The following BCL2 variants were observed in gnomAD, a reference collection of about 807,000 sequenced individuals.
BCL2 encodes apoptosis regulator Bcl-2.
A neutral mutation model predicts 14.2 loss-of-function variants in BCL2; 1 was observed. The ratio of observed to expected loss-of-function variants is 0.07; its 90% CI spans 0.02 to 0.33. The LOEUF (loss-of-function observed/expected upper bound fraction) is 0.33. BCL2 is among the 10% of genes least tolerant of loss of function. The pLI is 0.99. For synonymous variants in BCL2, 151 were observed against 137.2 expected (o/e 1.10, Z -0.70); for missense variants, 247 against 305.9 (o/e 0.81, Z 1.44).
At chr18:63,316,834 T>C (rs146133740) in intron 2 of BCL2, 3 of 151,504 alleles carry the variant, frequency 2.0e-5, no homozygotes, top group Admixed American at 6.6e-5. Flanking sequence ...TTAGGTCCTA[T>C]AAAATAATGA....
rs573744131 is a variant in BCL2 at position 63,168,165 on chromosome 18, T to A, written c.586-39406A>T. Among the ~76,000 whole-genome samples, 5 of 152,356 alleles carry A rather than the reference T, an allele frequency of 3.3e-5. No individual in the cohort carries two copies. In the South Asian group the frequency reaches 8.3e-4, roughly 25 times the overall value. On this transcript the variant is annotated intron_variant, in intron 2 of 2. Transcript: ENST00000333681. Reference sequence around the variant, plus strand: ...TTGGAGAATGTGTCAAGAGTGCCCATGCCTCCTTGTTCCATCCATTGCCAA... The same window carrying A: ...TTGGAGAATGTGTCAAGAGTGCCCAAGCCTCCTTGTTCCATCCATTGCCAA...
At chr18:63,167,035 G>A (rs972391338) in intron 2 of BCL2, among the ~76,000 whole-genome samples, 1 of 152,214 alleles carries the variant, frequency 6.6e-6, no homozygotes, top group Non-Finnish European at 1.5e-5. Flanking sequence ...ACATGAGAAG[G>A]TGCTGGAGTA....
At chr18:63,306,969 T>C (rs1913158794) in intron 2 of BCL2, among the ~76,000 whole-genome samples, 1 of 152,050 alleles carries the variant, frequency 6.6e-6, no homozygotes, top group Non-Finnish European at 1.5e-5. Context: ...TGCCCTAGAC[T>C]ATCAGCCACG....
chr18:63,208,822 T>C (rs538232102), intron 2 of BCL2, among the ~76,000 whole-genome samples: 1 of 152,170 alleles, frequency 6.6e-6, no homozygotes, highest in Admixed American at 6.5e-5. Context: ...GGGTTGGGGG[T>C]TGGGAGGTAC....
intron 2 of BCL2, among the ~76,000 whole-genome samples, chr18:63,295,330 C>T (rs1396271133): frequency 6.6e-6 from 1 of 152,084 alleles, no homozygotes; most frequent in Non-Finnish European, 1.5e-5. Context: ...ATCCTAGACC[C>T]AACTTGTGTC....
chr18:63,319,251 T>A lies in BCL2; in HGVS notation c.-364A>T. 4.2e-6 allele frequency: 1 copy of A among 237,696 alleles called. No homozygotes were observed. The allele number at this position is 237,696 out of a possible 1,614,324, so 14.7% of individuals were successfully genotyped here. On this transcript the variant is annotated 5_prime_UTR_variant, in exon 1 of 3. Transcript: ENST00000333681. ...CCAAAACAAATGCATAAGGCAACGA[T>A]CCCATCAATCTTCAGCACTCTCCAG...
At chr18:63,258,820 G>C (rs2144220641) in intron 2 of BCL2, among the ~76,000 whole-genome samples, 1 of 152,312 alleles carries the variant, frequency 6.6e-6, no homozygotes, top group East Asian at 1.9e-4. Flanking sequence ...CTTTTTACGG[G>C]TTTGCGTCAT....
intron 2 of BCL2, among the ~76,000 whole-genome samples, chr18:63,222,416 GAA>G (rs34843082): frequency 2.7e-5 from 4 of 150,686 alleles, no homozygotes; most frequent in African/African-American, 4.9e-5. Context: ...GTGATAAAGG[GAA>G]AAAAAAAACT....
At chr18:63,129,334 G>A (rs189142916) in intron 2 of BCL2, among the ~76,000 whole-genome samples, 159 of 149,812 alleles carry the variant, frequency 1.1e-3, no homozygotes, top group Middle Eastern at 3.4e-3. Flanking sequence ...CTGTTGCCCA[G>A]GCTGCAGTGC....
At chr18:63,255,308 TAAAC>T (rs756382192) in intron 2 of BCL2, among the ~76,000 whole-genome samples, 9 of 152,204 alleles carry the variant, frequency 5.9e-5, no homozygotes, top group Non-Finnish European at 1.5e-5. Flanking sequence ...TTACTTCTGA[TAAAC>T]AAATCAAACT....
At chr18:63,256,946 G>A (rs1318712278) in intron 2 of BCL2, among the ~76,000 whole-genome samples, 1 of 152,032 alleles carries the variant, frequency 6.6e-6, no homozygotes, top group Non-Finnish European at 1.5e-5. Context: ...TATGCCAAAT[G>A]GGAAAAATGA....
intron 2 of BCL2, among the ~76,000 whole-genome samples, chr18:63,248,413 C>T (rs1213658386): frequency 3.9e-5 from 6 of 152,208 alleles, no homozygotes; most frequent in African/African-American, 1.4e-4. Flanking sequence ...TTAGACTTCT[C>T]GCCTTAGATT....
intron 2 of BCL2, among the ~76,000 whole-genome samples, chr18:63,164,450 G>A (rs751801332): frequency 6.6e-6 from 1 of 152,136 alleles, no homozygotes; most frequent in Non-Finnish European, 1.5e-5. Flanking sequence ...GTCAAATCAC[G>A]GCAGGAAGTG....
chr18:63,187,356 G>C (rs1915614922), intron 2 of BCL2, among the ~76,000 whole-genome samples: 1 of 152,232 alleles, frequency 6.6e-6, no homozygotes, highest in South Asian at 2.1e-4. Flanking sequence ...AGAGAGGTCA[G>C]ATGCTTGGGG....
chr18:63,149,990 C>T lies in BCL2; in HGVS notation c.586-21231G>A, dbSNP rs1454374594. ...TGCCTCCCAGGTTCAAGCAATTCTC[C>T]TGCCTCAGTCTTCCCGAATGGCTGG... On this transcript the variant is annotated intron_variant, in intron 2 of 2. Coordinates refer to ENST00000333681, the MANE Select transcript of BCL2 (RefSeq NM_000633.3). This position sits in a 1 kb window ranked among gnomAD's most constrained non-coding sequence, Gnocchi z 4.2. 2.0e-5 allele frequency among the ~76,000 whole-genome samples: 3 copies of T among 152,130 alleles called. No homozygotes were observed. Among genetic ancestry groups the T allele is most frequent in the South Asian group, 2.1e-4 (1 of 4,832 alleles).
Position 63,127,332 on chromosome 18 carries a change from C to A in BCL2, c.*1293G>T. The A allele has an allele frequency of 4.3e-6, 1 of 232,276 alleles. No homozygotes were observed. The highest frequency in any genetic ancestry group is 8.5e-6 in the Non-Finnish European group (1 of 117,316). The allele number at this position is 232,276 out of a possible 1,614,324, so 14.4% of individuals were successfully genotyped here. A position where few individuals can be genotyped will look rare whatever the true frequency, so the allele number is the denominator to read the frequency against. On this transcript the variant is annotated 3_prime_UTR_variant, in exon 3 of 3. Transcript: ENST00000333681. The stretch of plus-strand genomic sequence containing the variant: ...GGGCCGTGGCCATTGCCTCTCCTCA[C>A]GTTCCCAGCCTTCACCATGTCCTTC...
In BCL2 at chr18:63,214,631, TA is replaced by T. The variant is rs71162605; in HGVS notation, c.586-85873del. The stretch of plus-strand genomic sequence containing the variant: ...ACACTAATCAAAAACTGTCGGGTAA[TA>T]AAAAAAAAAATCATGCTAAAAATAA... On this transcript the variant is annotated intron_variant, in intron 2 of 2. Coordinates refer to ENST00000333681, the MANE Select transcript of BCL2 (RefSeq NM_000633.3). 9.7e-3 allele frequency among the ~76,000 whole-genome samples: 1,446 copies of T among 148,574 alleles called. 10 individuals carry two copies. The highest frequency in any genetic ancestry group is 0.012 in the African/African-American group (470 of 40,724).
At chr18:63,205,220 C>G (rs1477932188) in intron 2 of BCL2, among the ~76,000 whole-genome samples, 1 of 152,204 alleles carries the variant, frequency 6.6e-6, no homozygotes, top group Non-Finnish European at 1.5e-5. Context: ...TCAACAACAG[C>G]CTTCCTTTGA....
intron 2 of BCL2, among the ~76,000 whole-genome samples, chr18:63,220,255 T>C (rs1910351453): frequency 6.6e-6 from 1 of 151,950 alleles, no homozygotes; most frequent in African/African-American, 2.4e-5. Context: ...CAAGGTGATC[T>C]AGAACATAAG....
Sources: allele counts gnomAD v4.1 joint callset (sites outside exome capture counted in the v4.1 genomes callset), GRCh38; gene constraint gnomAD v4.1.1; non-coding constraint Gnocchi (gnomAD v3.1); transcripts MANE v1.5; gene names NCBI Gene and HGNC (gene_info 2026-07-23, HGNC 2026-07-21).